The following ZYX variants were observed in gnomAD, a reference collection of about 807,000 sequenced individuals.
ZYX encodes the protein zyxin-2.
Under a neutral mutation model 58.1 loss-of-function variants are expected in ZYX, and 37 were observed. The ratio of observed to expected loss-of-function variants is 0.64; its 90% CI spans 0.49 to 0.84. ZYX has a LOEUF of 0.84. Ranked by LOEUF, ZYX falls within the 40% of genes least tolerant of loss-of-function variation. The pLI, the probability that ZYX is intolerant of heterozygous loss-of-function variation, is 0.00. For missense variants in ZYX, 762 were observed against 761.6 expected (o/e 1.00, Z -0.01); for synonymous variants, 324 against 321.1 (o/e 1.01, Z -0.10).
chr7:143,390,003 G>A lies in ZYX; in HGVS notation c.1614+26G>A, dbSNP rs780968991. Reference sequence around the variant, plus strand: ...GTCAGCCATCCCTCTGGACTCCTTGGGCAGGTTCTGACCAGGAGGTGGCGG... The same window carrying A: ...GTCAGCCATCCCTCTGGACTCCTTGAGCAGGTTCTGACCAGGAGGTGGCGG... On this transcript the variant is annotated intron_variant, in intron 9 of 9. Transcript: ENST00000322764. This position sits in a 1 kb window ranked among gnomAD's most constrained non-coding sequence, Gnocchi z 4.3. The A allele has an allele frequency of 4.3e-5, 69 of 1,612,786 alleles. No homozygotes were observed. The highest frequency in any genetic ancestry group is 5.0e-5 in the Non-Finnish European group (59 of 1,179,258).
At chr7:143,386,272 C>T (rs1804863665) in intron 5 of ZYX, among the ~76,000 whole-genome samples, 1 of 151,802 alleles carries the variant, frequency 6.6e-6, no homozygotes, top group Non-Finnish European at 1.5e-5. Flanking sequence ...GGTGATGTCT[C>T]CTCCCCCAGA....
chr7:143,390,477 A>C lies in ZYX; in HGVS notation c.1615-101A>C. The stretch of plus-strand genomic sequence containing the variant: ...CGATGACACCAGCTCTGAGCCATGA[A>C]GCATCTTTCTAATTCCAAGATGGAG... On this transcript the variant is annotated intron_variant, in intron 9 of 9. Transcript: ENST00000322764. This position sits in a 1 kb window ranked among gnomAD's most constrained non-coding sequence, Gnocchi z 4.3. 1 of 854,014 alleles carries C rather than the reference A, an allele frequency of 1.2e-6. No individual in the cohort carries two copies. Among genetic ancestry groups the C allele is most frequent in the South Asian group, 1.6e-5 (1 of 63,510 alleles). The allele number at this position is 854,014 out of a possible 1,614,324, so 52.9% of individuals were successfully genotyped here. A position where few individuals can be genotyped will look rare whatever the true frequency, so the allele number is the denominator to read the frequency against.
Position 143,388,402 on chromosome 7 carries a change from T to G in ZYX, c.1144+63T>G. ...CACATCACGGTGGGGGCCAGGGCTG[T>G]GGCTCCACTCCCTATCTGAGCTGGC... is the stretch of plus-strand genomic sequence containing the variant. On this transcript the variant is annotated intron_variant, in intron 6 of 9. Transcript: ENST00000322764. This position sits in a 1 kb window ranked among gnomAD's most constrained non-coding sequence, Gnocchi z 7.5. 6.2e-7 allele frequency: 1 copy of G among 1,608,124 alleles called. No individual in the cohort carries two copies. Among genetic ancestry groups the G allele is most frequent in the Non-Finnish European group, 8.5e-7 (1 of 1,175,748 alleles).
rs749476104 is a variant in ZYX at position 143,388,327 on chromosome 7, G to T, written c.1132G>T (p.Val378Leu). ...QDMEHPQRQN[V>L]AVNELCGRCH... ...CATGGAGCATCCTCAGAGGCAGAAT[G>T]TGGCTGTCAACGGTGAGCCCACCCC... The change falls in exon 6 of 10, where the codon GTG (valine) becomes TTG (leucine). Residue 378 changes from valine to leucine, a missense_variant. By Grantham distance (32) the Val-to-Leu change is conservative (BLOSUM62 1). Transcript: ENST00000322764. This position sits in a 1 kb window ranked among gnomAD's most constrained non-coding sequence, Gnocchi z 7.5. 5 of 1,613,832 alleles carry T rather than the reference G, an allele frequency of 3.1e-6. No homozygotes were observed. The Admixed American group carries it at 6.7e-5, about 22-fold the overall frequency.
chr7:143,382,864 C>G lies in ZYX; in HGVS notation c.565C>G (p.Pro189Ala), dbSNP rs1213601326. Residue 189 changes from proline to alanine, a missense_variant, in exon 5 of 10, where the codon CCT (proline) becomes GCT (alanine). Physicochemically the swap from Pro to Ala is conservative, Grantham distance 27. Coordinates refer to ENST00000322764, the MANE Select transcript of ZYX (RefSeq NM_003461.5). The stretch of plus-strand genomic sequence containing the variant: ...ATTCAGTTCCAAGTCCAGTACCAAG[C>G]CTGCAGCCGGGGGCACAGCACCCCT... ...TPFSSKSSTKPAAGGTAPLPP... is the reference protein window; with the variant it reads ...TPFSSKSSTKAAAGGTAPLPP... 1 of 1,612,128 alleles carries G rather than the reference C, an allele frequency of 6.2e-7. No individual in the cohort carries two copies. The highest frequency in any genetic ancestry group is 1.1e-5 in the South Asian group (1 of 90,740).
rs1249306939 is a variant in ZYX, at chr7:143,387,785, C to T, written c.1024-434C>T. ...AGGGGCTGCTCAGCAGCAGGCAGGCCGGGTAGGTGTGTGTGCGCGTGTGTG... is the reference window on the plus strand; with the variant it reads ...AGGGGCTGCTCAGCAGCAGGCAGGCTGGGTAGGTGTGTGTGCGCGTGTGTG... On this transcript the variant is annotated intron_variant, in intron 5 of 9. Transcript: ENST00000322764. The surrounding 1 kb of genome is among the most constrained non-coding windows in gnomAD (Gnocchi z 5.8). The T allele has an allele frequency of 6.3e-6, 3 of 473,072 alleles. No individual in the cohort carries two copies. Among genetic ancestry groups the T allele is most frequent in the African/African-American group, 4.0e-5 (2 of 50,272 alleles). The allele number at this position is 473,072 out of a possible 1,614,324, so 29.3% of individuals were successfully genotyped here. A position where few individuals can be genotyped will look rare whatever the true frequency, so the allele number is the denominator to read the frequency against.
At position 143,388,710 on chromosome 7, in the gene ZYX, TGGAA is replaced by T; in HGVS notation, c.1314+54_1315-52del. The T allele has an allele frequency of 6.2e-7, 1 of 1,608,760 alleles. No homozygotes were observed. The highest frequency in any genetic ancestry group is 8.5e-7 in the Non-Finnish European group (1 of 1,177,056). On this transcript the variant is annotated intron_variant, in intron 7 of 9. Transcript: ENST00000322764. The surrounding 1 kb of genome is among the most constrained non-coding windows in gnomAD (Gnocchi z 7.5). ...TGGGCTGTGCTGGGCAGTCGGGCCC[TGGAA>T]GCTTGCTGTGGGGTGCCGGTTCCCT...
rs866385748 is a variant in ZYX, at chr7:143,382,990, A to G, written c.691A>G (p.Lys231Glu). The change falls in exon 5 of 10, where the codon AAG (lysine) becomes GAG (glutamate). Residue 231 changes from lysine to glutamate, a missense_variant. Transcript: ENST00000322764. The part of the protein sequence containing the change: ...QFHVQPQPQP[K>E]PQVQLHVQSQ... ...CCATGTTCAGCCCCAGCCCCAGCCCAAGCCTCAGGTCCAACTCCATGTCCA... is the reference window on the plus strand; with the variant it reads ...CCATGTTCAGCCCCAGCCCCAGCCCGAGCCTCAGGTCCAACTCCATGTCCA... 6.2e-7 allele frequency: 1 copy of G among 1,613,548 alleles called. No individual in the cohort carries two copies. Among genetic ancestry groups the G allele is most frequent in the East Asian group, 2.2e-5 (1 of 44,848 alleles).
At chr7:143,382,034 C>T (rs1277455159) in intron 2 of ZYX, 8 of 603,452 alleles carry the variant, frequency 1.3e-5, no homozygotes, top group Non-Finnish European at 2.3e-5. Flanking sequence ...GTCCGTTTTC[C>T]GAAGTGTAAC....
Position 143,383,303 on chromosome 7 carries a change from C to T in ZYX, c.1004C>T (p.Pro335Leu), listed in dbSNP as rs748856106. 2.0e-5 allele frequency: 32 copies of T among 1,606,280 alleles called. 1 individual carries two copies. Among genetic ancestry groups the T allele is most frequent in the South Asian group, 1.9e-4 (17 of 90,278 alleles). The change falls in exon 5 of 10, where the codon CCG becomes CTG. Residue 335 changes from proline (P) to leucine (L), a missense_variant. By Grantham distance (98) the Pro-to-Leu change is moderately conservative. Coordinates refer to ENST00000322764, the MANE Select transcript of ZYX (RefSeq NM_003461.5). ...GAGAAGCAGCACCCCGTGCCCCCAC[C>T]GGCTCAGAACCAAAACCAGGTGAGG... The part of the protein sequence containing the change: ...VQEKQHPVPP[P>L]AQNQNQVRSP...
In ZYX at chr7:143,390,755, C is replaced by A; in HGVS notation, c.*73C>A. On this transcript the variant is annotated 3_prime_UTR_variant, in exon 10 of 10. Transcript: ENST00000322764. This position sits in a 1 kb window ranked among gnomAD's most constrained non-coding sequence, Gnocchi z 4.3. Reference sequence around the variant, plus strand: ...CACCCACACTGAGACCACCTGCCCCCACCTCAGTTATTGTTTTGATGTCTA... The same window carrying A: ...CACCCACACTGAGACCACCTGCCCCAACCTCAGTTATTGTTTTGATGTCTA... The A allele has an allele frequency of 8.8e-7, 1 of 1,132,136 alleles. No individual in the cohort carries two copies. Among genetic ancestry groups the A allele is most frequent in the East Asian group, 2.6e-5 (1 of 38,740 alleles). The allele number at this position is 1,132,136 out of a possible 1,614,324, so 70.1% of individuals were successfully genotyped here.
At chr7:143,386,069 G>A (rs1192434239) in intron 5 of ZYX, among the ~76,000 whole-genome samples, 1 of 151,612 alleles carries the variant, frequency 6.6e-6, no homozygotes, top group East Asian at 1.9e-4. Flanking sequence ...GGTCTGGTAT[G>A]TGTGTGTGCA....
In ZYX at chr7:143,389,016, A is replaced by G; in HGVS notation, c.1493+71A>G. The G allele has an allele frequency of 6.5e-7, 1 of 1,534,560 alleles. No individual in the cohort carries two copies. The highest frequency in any genetic ancestry group is 8.8e-7 in the Non-Finnish European group (1 of 1,137,064). ...TGGTAGCCCGGCTGCTTGCTACCCT[A>G]GCCTCAGGACAGCCCCAAACCCCTG... is the stretch of plus-strand genomic sequence containing the variant. On this transcript the variant is annotated intron_variant, in intron 8 of 9. Coordinates refer to ENST00000322764, the MANE Select transcript of ZYX (RefSeq NM_003461.5). The surrounding 1 kb of genome is among the most constrained non-coding windows in gnomAD (Gnocchi z 5.6).
chr7:143,383,902 C>T (rs766597655), intron 5 of ZYX, among the ~76,000 whole-genome samples: 2 of 152,204 alleles, frequency 1.3e-5, no homozygotes, highest in African/African-American at 4.8e-5. Context: ...CAGCTTCTCC[C>T]AAGTCCTTAG....
rs1804931085 is a variant in ZYX at position 143,388,070 on chromosome 7, G to T, written c.1024-149G>T. 1.4e-5 allele frequency: 13 copies of T among 910,406 alleles called. No homozygotes were observed. The South Asian group carries it at 1.9e-4, about 13-fold the overall frequency. 56.4% of individuals were successfully genotyped at this position (910,406 alleles called of 1,614,324 possible). A position where few individuals can be genotyped will look rare whatever the true frequency, so the allele number is the denominator to read the frequency against. On this transcript the variant is annotated intron_variant, in intron 5 of 9. Coordinates refer to ENST00000322764, the MANE Select transcript of ZYX (RefSeq NM_003461.5). This position sits in a 1 kb window ranked among gnomAD's most constrained non-coding sequence, Gnocchi z 7.5. Reference sequence around the variant, plus strand: ...GTGCTGGGGATGGCGGGGGTAGGGGGACGAGGGAGAAGCTTTAAGGGTCAA... The same window carrying T: ...GTGCTGGGGATGGCGGGGGTAGGGGTACGAGGGAGAAGCTTTAAGGGTCAA...
Position 143,388,956 on chromosome 7 carries a change from G to A in ZYX, c.1493+11G>A. 1 of 1,600,282 alleles carries A rather than the reference G, an allele frequency of 6.2e-7. No individual in the cohort carries two copies. Among genetic ancestry groups the A allele is most frequent in the Non-Finnish European group, 8.5e-7 (1 of 1,172,508 alleles). On this transcript the variant is annotated intron_variant, in intron 8 of 9. Transcript: ENST00000322764. The surrounding 1 kb of genome is among the most constrained non-coding windows in gnomAD (Gnocchi z 7.5). ...CCCCGACTACCACAAGTGAGGACCT[G>A]CCACCTGCCTTCTGGGTTCCCGGCG...
rs1804977755 is a variant in ZYX, at chr7:143,389,112, G to C, written c.1493+167G>C. On this transcript the variant is annotated intron_variant, in intron 8 of 9. Coordinates refer to ENST00000322764, the MANE Select transcript of ZYX (RefSeq NM_003461.5). The surrounding 1 kb of genome is among the most constrained non-coding windows in gnomAD (Gnocchi z 5.6). The stretch of plus-strand genomic sequence containing the variant: ...AAGTCATCGGGATGTAGCTGTCCAG[G>C]GGCCTTAGGCCTGGGCATCGAGTCC... Among the ~76,000 whole-genome samples the C allele has an allele frequency of 6.6e-6, 1 of 152,188 alleles. No homozygotes were observed. Among genetic ancestry groups the C allele is most frequent in the South Asian group, 2.1e-4 (1 of 4,834 alleles).
At position 143,387,694 on chromosome 7, in the gene ZYX, G is replaced by C. The variant is rs1317030992; in HGVS notation, c.1024-525G>C. The C allele has an allele frequency of 1.3e-5, 6 of 471,042 alleles. No individual in the cohort carries two copies. Among genetic ancestry groups the C allele is most frequent in the Non-Finnish European group, 2.2e-5 (5 of 227,014 alleles). The allele number at this position is 471,042 out of a possible 1,614,324, so 29.2% of individuals were successfully genotyped here. On this transcript the variant is annotated intron_variant, in intron 5 of 9. Coordinates refer to ENST00000322764, the MANE Select transcript of ZYX (RefSeq NM_003461.5). This position sits in a 1 kb window ranked among gnomAD's most constrained non-coding sequence, Gnocchi z 5.8. Reference sequence around the variant, plus strand: ...GGGTCTCTGTGTGGGGGTGGGGCTGGGTTCTTGCAGACAGCTCAGTGGGTT... The same window carrying C: ...GGGTCTCTGTGTGGGGGTGGGGCTGCGTTCTTGCAGACAGCTCAGTGGGTT...
At position 143,390,556 on chromosome 7, in the gene ZYX, C is replaced by T. The variant is rs1480120908; in HGVS notation, c.1615-22C>T. The T allele has an allele frequency of 2.6e-6, 4 of 1,542,788 alleles. No homozygotes were observed. Among genetic ancestry groups the T allele is most frequent in the South Asian group, 1.2e-5 (1 of 83,984 alleles). Reference sequence around the variant, plus strand: ...AGCAGGGGCCTTCCGGTCCAGTGCCCCTCACCCTTCCTTCTTCCCAGGACT... The same window carrying T: ...AGCAGGGGCCTTCCGGTCCAGTGCCTCTCACCCTTCCTTCTTCCCAGGACT... On this transcript the variant is annotated intron_variant, in intron 9 of 9. Coordinates refer to ENST00000322764, the MANE Select transcript of ZYX (RefSeq NM_003461.5). The surrounding 1 kb of genome is among the most constrained non-coding windows in gnomAD (Gnocchi z 4.3).
Sources: allele counts gnomAD v4.1 joint callset (sites outside exome capture counted in the v4.1 genomes callset), GRCh38; gene constraint gnomAD v4.1.1; non-coding constraint Gnocchi (gnomAD v3.1); transcripts MANE v1.5; gene names NCBI Gene and HGNC (gene_info 2026-07-23, HGNC 2026-07-21).